The following SSPN variants were observed in gnomAD, a reference collection of about 807,000 sequenced individuals.
The protein encoded by SSPN is sarcospan.
A neutral mutation model predicts 19.1 loss-of-function variants in SSPN; 15 were observed. That is an observed-to-expected ratio of 0.78 (90% CI 0.52 to 1.21). SSPN has a LOEUF of 1.21. SSPN is among the 50% of genes most tolerant of loss of function. SSPN has a pLI of 0.00. For synonymous variants in SSPN, 147 were observed against 140.3 expected (o/e 1.05, Z -0.34); for missense variants, 291 against 314.0 (o/e 0.93, Z 0.55).
intron 1 of SSPN, among the ~76,000 whole-genome samples, chr12:26,206,129 C>T (rs924898564): frequency 9.9e-5 from 15 of 152,228 alleles, no homozygotes; most frequent in African/African-American, 3.4e-4. Flanking sequence ...CCCCTTCTCT[C>T]TGTCCTCACA....
At chr12:26,184,686 G>A (rs1046809619) in intron 1 of SSPN, among the ~76,000 whole-genome samples, 6 of 152,132 alleles carry the variant, frequency 3.9e-5, no homozygotes, top group African/African-American at 9.7e-5. Flanking sequence ...CCACTTAGTG[G>A]CATAATTAAT....
chr12:26,152,761 A>G (rs1169438014), intron 1 of SSPN, among the ~76,000 whole-genome samples: 5 of 152,168 alleles, frequency 3.3e-5, no homozygotes, highest in African/African-American at 1.2e-4. Flanking sequence ...TATGTACCAT[A>G]TCACTTCCCA....
At chr12:26,224,763 T>C (rs1300637395) in intron 2 of SSPN, among the ~76,000 whole-genome samples, 1 of 150,486 alleles carries the variant, frequency 6.6e-6, no homozygotes, top group Non-Finnish European at 1.5e-5. Context: ...TATTTCCTCT[T>C]GTAGGTGGGA....
rs550438960 is a variant in SSPN, at chr12:26,217,852, C to A, written c.280-6441C>A. On this transcript the variant is annotated intron_variant, in intron 1 of 2. Transcript: ENST00000242729. ...AGATAATCATGTGGAGAAATAGGAA[C>A]TTTTACACTGTTGGTGGGACTGTAA... Among the ~76,000 whole-genome samples, 258 of 152,274 alleles carry A rather than the reference C, an allele frequency of 1.7e-3. 1 individual carries two copies. Among genetic ancestry groups the A allele is most frequent in the African/African-American group, 6.0e-3 (248 of 41,558 alleles).
At position 26,195,791 on chromosome 12, in the gene SSPN, G is replaced by C; in HGVS notation, c.119G>C (p.Gly40Ala). 6.5e-7 allele frequency: 1 copy of C among 1,527,444 alleles called. No individual in the cohort carries two copies. Among genetic ancestry groups the C allele is most frequent in the Non-Finnish European group, 8.8e-7 (1 of 1,140,312 alleles). The allele number at this position is 1,527,444 out of a possible 1,614,324, so 94.6% of individuals were successfully genotyped here. The change falls in exon 1 of 3, where the codon GGG (glycine) becomes GCG (alanine). Residue 40 changes from glycine (G) to alanine (A), a missense_variant. Physicochemically the swap from Gly to Ala is moderately conservative, Grantham distance 60. Transcript: ENST00000242729. ...GGCACGGGGGCCCCCAAGGAGTGCGGGGAGGAGGAGCCCCGGACCTGCTGC... is the reference window on the plus strand; with the variant it reads ...GGCACGGGGGCCCCCAAGGAGTGCGCGGAGGAGGAGCCCCGGACCTGCTGC... ...KKGTGAPKEC[G>A]EEEPRTCCGC...
intron 1 of SSPN, among the ~76,000 whole-genome samples, chr12:26,218,018 G>A (rs1394722314): frequency 5.3e-5 from 8 of 151,326 alleles, no homozygotes; most frequent in African/African-American, 9.7e-5. Flanking sequence ...ACATGCACAC[G>A]TATGTTTATT....
rs1374207254 is a variant in SSPN at position 26,234,284 on chromosome 12, C to T, written c.*3208C>T. ...AGACAATCAGAAATGAACTTAAAAG[C>T]TGCCCTGCAAAACCAATCCTTTCCT... On this transcript the variant is annotated 3_prime_UTR_variant, in exon 3 of 3. Coordinates refer to ENST00000242729, the MANE Select transcript of SSPN (RefSeq NM_005086.5). 6.6e-6 allele frequency: 1 copy of T among 152,224 alleles called. No homozygotes were observed. The highest frequency in any genetic ancestry group is 2.4e-5 in the African/African-American group (1 of 41,456). The allele number at this position is 152,224 out of a possible 1,614,324, so 9.4% of individuals were successfully genotyped here.
At chr12:26,203,380 T>A (rs1944903253) in intron 1 of SSPN, among the ~76,000 whole-genome samples, 1 of 152,220 alleles carries the variant, frequency 6.6e-6, no homozygotes, top group Non-Finnish European at 1.5e-5. Context: ...TTCCAGTTAT[T>A]ATTTGCTGTA....
chr12:26,141,040 A>G (rs1285529154), intron 1 of SSPN, among the ~76,000 whole-genome samples: 1 of 152,224 alleles, frequency 6.6e-6, no homozygotes, highest in Non-Finnish European at 1.5e-5. Flanking sequence ...GGGCCTCCAT[A>G]AATGTCCATG....
At chr12:26,132,181 C>A (rs1459789556) in intron 1 of SSPN, among the ~76,000 whole-genome samples, 1 of 152,142 alleles carries the variant, frequency 6.6e-6, no homozygotes, top group Admixed American at 6.5e-5. Flanking sequence ...CAGACAGACA[C>A]AAGGGTAAGG....
At chr12:26,159,416 CAGA>C (rs1465811217) in intron 1 of SSPN, among the ~76,000 whole-genome samples, 1 of 152,194 alleles carries the variant, frequency 6.6e-6, no homozygotes, top group African/African-American at 2.4e-5. Flanking sequence ...GATTGGCCAC[CAGA>C]AGAACATCAG....
chr12:26,193,411 A>G (rs1490594247), upstream of SSPN, among the ~76,000 whole-genome samples: 1 of 152,216 alleles, frequency 6.6e-6, no homozygotes, highest in Non-Finnish European at 1.5e-5. Flanking sequence ...TAAGGTGGTT[A>G]TAAGGGGTGA....
intron 1 of SSPN, among the ~76,000 whole-genome samples, chr12:26,164,752 T>A (rs186348152): frequency 6.6e-6 from 1 of 152,358 alleles, no homozygotes; most frequent in East Asian, 1.9e-4. Flanking sequence ...TTTACCCTGT[T>A]TTTGTAAAAC....
intron 1 of SSPN, among the ~76,000 whole-genome samples, chr12:26,162,151 A>T (rs933830359): frequency 6.6e-6 from 1 of 151,470 alleles, no homozygotes; most frequent in Non-Finnish European, 1.5e-5. Flanking sequence ...CATTTGGTCA[A>T]CTCCTCATTT....
chr12:26,124,958 G>GCA (rs778562866), intron 1 of SSPN: 20 of 690,516 alleles, frequency 2.9e-5, no homozygotes, highest in South Asian at 1.7e-4. Context: ...CACCGCGCTC[G>GCA]CACACACACA....
intron 1 of SSPN, among the ~76,000 whole-genome samples, chr12:26,152,606 A>G (rs1944532183): frequency 6.6e-6 from 1 of 152,034 alleles, no homozygotes; most frequent in African/African-American, 2.4e-5. Flanking sequence ...TATCTTGACC[A>G]CTTCCCTACT....
intron 1 of SSPN, among the ~76,000 whole-genome samples, chr12:26,146,111 C>T (rs577779472): frequency 6.6e-6 from 1 of 152,340 alleles, no homozygotes; most frequent in African/African-American, 2.4e-5. Context: ...TTGCCACCCT[C>T]AAGAGACAAG....
At chr12:26,157,573 TA>T (rs1234404517) in intron 1 of SSPN, among the ~76,000 whole-genome samples, 1 of 151,610 alleles carries the variant, frequency 6.6e-6, no homozygotes, top group Admixed American at 6.6e-5. Flanking sequence ...TTGCTTCTTT[TA>T]AAAAAAAATC....
chr12:26,136,374 G>A (rs1944425147), intron 1 of SSPN, among the ~76,000 whole-genome samples: 1 of 152,152 alleles, frequency 6.6e-6, no homozygotes, highest in Non-Finnish European at 1.5e-5. Flanking sequence ...AGATCAAGAG[G>A]ACCTGAGTTT....
Sources: gnomAD v4.1 joint callset for allele counts (sites outside exome capture counted in the v4.1 genomes callset) on GRCh38, gnomAD v4.1.1 for gene constraint, MANE v1.5 for transcripts, NCBI Gene and HGNC (gene_info 2026-07-23, HGNC 2026-07-21) for gene names.